SORCS3: variants seen among roughly 807,000 people sequenced by gnomAD.
SORCS3 encodes sortilin related VPS10 domain containing receptor 3.
Under a neutral mutation model 146.3 loss-of-function variants are expected in SORCS3, and 57 were observed. That is an observed-to-expected ratio of 0.39 (90% confidence interval 0.31 to 0.49). SORCS3 has a LOEUF of 0.49. SORCS3 is among the 20% of genes least tolerant of loss of function. The pLI, the probability that SORCS3 is intolerant of heterozygous loss-of-function variation, is 0.92. For missense variants in SORCS3, 1,341 were observed against 1,575.5 expected, an observed-to-expected ratio of 0.85 and a Z score of 2.52; for synonymous variants, 653 against 618.5, an observed-to-expected ratio of 1.06 and a Z score of -0.83.
chr10:105,178,336 A>G (rs917227260), intron 14 of SORCS3, among the ~76,000 whole-genome samples, 163 bp downstream of exon 14: 1 of 152,180 alleles, frequency 6.6e-6, no homozygotes, highest in African/African-American at 2.4e-5. Flanking sequence ...TATACCTACA[A>G]ACTCAAAAAG....
chr10:105,150,458 C>T (rs1041972249), intron 9 of SORCS3, among the ~76,000 whole-genome samples: 3 of 152,150 alleles, frequency 2.0e-5, no homozygotes, highest in African/African-American at 7.2e-5. Flanking sequence ...TGTACATGCG[C>T]AGTTCTTCTT....
chr10:104,982,452 C>T (rs1005794263), intron 4 of SORCS3, among the ~76,000 whole-genome samples: 5 of 152,142 alleles, frequency 3.3e-5, no homozygotes, highest in African/African-American at 1.2e-4. Flanking sequence ...AAACAGGCTT[C>T]CTGTCTCCTC....
At chr10:104,767,826 CT>C (rs1466724500) in intron 1 of SORCS3, among the ~76,000 whole-genome samples, 4 of 148,452 alleles carry the variant, frequency 2.7e-5, no homozygotes, top group Non-Finnish European at 4.5e-5. Context: ...TTCTTCCCCC[CT>C]CTCCTCCCCT....
chr10:105,262,973 A>G (rs991405720), intron 26 of SORCS3, among the ~76,000 whole-genome samples: 1 of 152,146 alleles, frequency 6.6e-6, no homozygotes, highest in Non-Finnish European at 1.5e-5. Flanking sequence ...AAACAATTCT[A>G]AGACTGTTGT....
intron 1 of SORCS3, among the ~76,000 whole-genome samples, chr10:104,678,679 G>A (rs2027113): frequency 0.23 from 35,632 of 152,126 alleles, 4,347 homozygotes; most frequent in South Asian, 0.34. Flanking sequence ...AGCCAGTAGA[G>A]TATGATATGC....
At chr10:105,118,506 A>G (rs1350126179) in intron 7 of SORCS3, among the ~76,000 whole-genome samples, 1 of 152,250 alleles carries the variant, frequency 6.6e-6, no homozygotes, top group Non-Finnish European at 1.5e-5. Context: ...AAGATACCCC[A>G]AAATTTGGAA....
At chr10:105,182,173 G>A (rs968084841) in intron 14 of SORCS3, among the ~76,000 whole-genome samples, 1 of 146,734 alleles carries the variant, frequency 6.8e-6, no homozygotes, top group Non-Finnish European at 1.5e-5. Context: ...GGAGAATTTA[G>A]TCTGATTTGG....
intron 2 of SORCS3, among the ~76,000 whole-genome samples, chr10:104,869,554 T>G (rs2018494822): frequency 6.6e-6 from 1 of 152,244 alleles, no homozygotes; most frequent in African/African-American, 2.4e-5. Context: ...GAGCATCATG[T>G]GGCCCAGTCA....
At chr10:104,736,735 CT>C (rs2016777675) in intron 1 of SORCS3, among the ~76,000 whole-genome samples, 1 of 149,916 alleles carries the variant, frequency 6.7e-6, no homozygotes, top group African/African-American at 2.5e-5. Context: ...ATCTCAGAGT[CT>C]TTCTTTGACT....
intron 1 of SORCS3, among the ~76,000 whole-genome samples, chr10:104,713,431 T>C (rs780753466): frequency 5.3e-5 from 8 of 152,216 alleles, no homozygotes; most frequent in Non-Finnish European, 1.0e-4. Context: ...GCTGTACGTT[T>C]TTTGGGTAGA....
intron 1 of SORCS3, among the ~76,000 whole-genome samples, chr10:104,823,527 G>T (rs999243570): frequency 1.3e-5 from 2 of 151,864 alleles, no homozygotes; most frequent in Non-Finnish European, 2.9e-5. Context: ...CTTATGTTTG[G>T]ACCATTGCAG....
At position 104,764,970 on chromosome 10, in the gene SORCS3, G is replaced by A. The variant is rs545500898; in HGVS notation, c.628-77822G>A. Among the ~76,000 whole-genome samples, 26 of 152,306 alleles carry A rather than the reference G, an allele frequency of 1.7e-4. 1 individual carries two copies. The East Asian group carries it at 4.8e-3, about 28-fold the overall frequency. Reference sequence around the variant, plus strand: ...ATTTGTGCCTGAAGGCATGAGTGCTGTGATGGATCAGTGATGTCTGCCATC... The same window carrying A: ...ATTTGTGCCTGAAGGCATGAGTGCTATGATGGATCAGTGATGTCTGCCATC... On this transcript the variant is annotated intron_variant, in intron 1 of 26. Transcript: ENST00000369701.
intron 4 of SORCS3, among the ~76,000 whole-genome samples, chr10:105,008,910 G>A (rs2055114365): frequency 6.6e-6 from 1 of 152,328 alleles, no homozygotes; most frequent in South Asian, 2.1e-4. Flanking sequence ...GCCTCTCAAA[G>A]TGCTGCGATT....
At chr10:104,683,117 C>A (rs915985363) in intron 1 of SORCS3, among the ~76,000 whole-genome samples, 1 of 152,214 alleles carries the variant, frequency 6.6e-6, no homozygotes, top group Admixed American at 6.5e-5. Context: ...TTGTCCTCAA[C>A]CTGGTGCATC....
Position 104,775,842 on chromosome 10 carries a change from A to G in SORCS3, c.628-66950A>G, listed in dbSNP as rs550221579. On this transcript the variant is annotated intron_variant, in intron 1 of 26. Coordinates refer to ENST00000369701, the MANE Select transcript of SORCS3 (RefSeq NM_014978.3). ...TTCTTGCTTTTCTGGAAGACAAAGC[A>G]TGCTTACTTGAATAGCAAGAAGGTA... is the stretch of plus-strand genomic sequence containing the variant. 5.3e-5 allele frequency among the ~76,000 whole-genome samples: 8 copies of G among 152,340 alleles called. No individual in the cohort carries two copies. The South Asian group carries it at 1.2e-3, about 24-fold the overall frequency.
chr10:104,996,543 G>T (rs1401670798), intron 4 of SORCS3, among the ~76,000 whole-genome samples: 2 of 151,726 alleles, frequency 1.3e-5, no homozygotes. Flanking sequence ...GAACATAAAA[G>T]AATTGAACAA....
chr10:104,949,393 A>T (rs1413881219), intron 3 of SORCS3, among the ~76,000 whole-genome samples: 1 of 152,068 alleles, frequency 6.6e-6, no homozygotes, highest in Admixed American at 6.5e-5. Flanking sequence ...CAAGAGAATG[A>T]TAGATGAACT....
intron 4 of SORCS3, among the ~76,000 whole-genome samples, chr10:105,032,085 G>A (rs1414743986): frequency 6.6e-6 from 1 of 152,040 alleles, no homozygotes; most frequent in Non-Finnish European, 1.5e-5. Context: ...CCAGCTACTC[G>A]GGAGGCTGAG....
At chr10:104,992,425 AT>A (rs1457333164) in intron 4 of SORCS3, among the ~76,000 whole-genome samples, 2 of 152,154 alleles carry the variant, frequency 1.3e-5, no homozygotes, top group African/African-American at 4.8e-5. Flanking sequence ...CAGTTTTGGC[AT>A]TTTGTTTTTG....
Sources: gnomAD v4.1 joint callset for allele counts (sites outside exome capture counted in the v4.1 genomes callset) on GRCh38, gnomAD v4.1.1 for gene constraint, MANE v1.5 for transcripts, NCBI Gene and HGNC (gene_info 2026-07-23, HGNC 2026-07-21) for gene names.